ZFHX3: variants seen among roughly 807,000 people sequenced by gnomAD.
The protein encoded by ZFHX3 is zinc finger homeobox 3.
Under a neutral mutation model 279.1 loss-of-function variants are expected in ZFHX3, and 42 were observed. That is an observed-to-expected ratio of 0.15 (90% CI 0.12 to 0.19). ZFHX3 has a LOEUF of 0.19. ZFHX3 is among the 10% of genes least tolerant of loss of function. The pLI is 1.00. For missense variants in ZFHX3, 4,981 were observed against 4,754.0 expected, an observed-to-expected ratio of 1.05 and a Z score of -1.40; for synonymous variants, 2,293 against 1,957.8, an observed-to-expected ratio of 1.17 and a Z score of -4.52.
At chr16:73,675,395 A>C (rs1027481991) in intron 2 of ZFHX3, among the ~76,000 whole-genome samples, 1 of 152,118 alleles carries the variant, frequency 6.6e-6, no homozygotes, top group African/African-American at 2.4e-5. Flanking sequence ...AGACACATAT[A>C]AAATCAGACA....
chr16:73,122,040 T>C (rs1966505498), intron 7 of ZFHX3, among the ~76,000 whole-genome samples: 1 of 152,164 alleles, frequency 6.6e-6, no homozygotes. Flanking sequence ...CATATTGTCT[T>C]CGTGTGTCTC....
At chr16:72,829,534 G>A in intron 5 of ZFHX3, 1 of 479,458 alleles carries the variant, frequency 2.1e-6, no homozygotes, top group East Asian at 3.1e-5. Flanking sequence ...AAGCAAGCTG[G>A]CTTTGGTGCC....
intron 1 of ZFHX3, among the ~76,000 whole-genome samples, chr16:73,730,365 A>C (rs893939056): frequency 1.3e-5 from 2 of 151,344 alleles, no homozygotes; most frequent in African/African-American, 4.9e-5. Context: ...AAAAAAAAAA[A>C]AAAAAAAAAA....
intron 1 of ZFHX3, among the ~76,000 whole-genome samples, chr16:73,703,574 A>G (rs1435662212): frequency 6.6e-6 from 1 of 152,138 alleles, no homozygotes; most frequent in Non-Finnish European, 1.5e-5. Flanking sequence ...AGAGAGAGTC[A>G]TGAAACGGTA....
At chr16:73,777,120 G>C (rs894837923) in intron 1 of ZFHX3, among the ~76,000 whole-genome samples, 2 of 152,118 alleles carry the variant, frequency 1.3e-5, no homozygotes, top group African/African-American at 4.8e-5. Context: ...CCTAATTGCT[G>C]TGGTCCTGCC....
At chr16:73,822,501 GA>G (rs1960775569) in intron 1 of ZFHX3, among the ~76,000 whole-genome samples, 1 of 151,234 alleles carries the variant, frequency 6.6e-6, no homozygotes, top group Non-Finnish European at 1.5e-5. Context: ...GACTGTCATT[GA>G]AAAGCTGCTT....
intron 2 of ZFHX3, among the ~76,000 whole-genome samples, chr16:73,617,930 T>C (rs1211351018): frequency 1.3e-5 from 2 of 152,200 alleles, no homozygotes; most frequent in Non-Finnish European, 2.9e-5. Flanking sequence ...TCACGTTGAC[T>C]CCCAAGGCAG....
intron 3 of ZFHX3, among the ~76,000 whole-genome samples, chr16:73,357,916 G>A (rs2016371469): frequency 6.6e-6 from 1 of 152,142 alleles, no homozygotes; most frequent in Admixed American, 6.5e-5. Flanking sequence ...CTGCTCTCAG[G>A]AGAAGGAAAG....
chr16:73,503,656 C>A lies in ZFHX3; in HGVS notation c.-1546-47398G>T, dbSNP rs551582312. ...CTGAATAGGGGAATGGGGGAAAGAA[C>A]GCAGGATGGCCCTGGAAGAGCAAAG... On this transcript the variant is annotated intron_variant, in intron 2 of 17. Transcript: ENST00000641206. Among the ~76,000 whole-genome samples the A allele has an allele frequency of 1.1e-3, 164 of 152,244 alleles. 1 individual carries two copies. Among genetic ancestry groups the A allele is most frequent in the African/African-American group, 3.6e-3 (149 of 41,554 alleles).
intron 3 of ZFHX3, among the ~76,000 whole-genome samples, chr16:72,914,249 G>T (rs1228436568): frequency 2.6e-5 from 4 of 152,214 alleles, no homozygotes; most frequent in Non-Finnish European, 4.4e-5. Context: ...AGATGGTCTG[G>T]AGGGTTTTCA....
chr16:73,589,580 A>G (rs1404716224), intron 2 of ZFHX3, among the ~76,000 whole-genome samples: 1 of 150,992 alleles, frequency 6.6e-6, no homozygotes, highest in African/African-American at 2.4e-5. Flanking sequence ...AAACACAAAA[A>G]TTAGCTGGGC....
chr16:73,831,788 A>T (rs1961003822), intron 1 of ZFHX3, among the ~76,000 whole-genome samples: 1 of 152,210 alleles, frequency 6.6e-6, no homozygotes, highest in Non-Finnish European at 1.5e-5. Context: ...GAAGGGGCGG[A>T]GGAAGTTCAC....
intron 2 of ZFHX3, among the ~76,000 whole-genome samples, chr16:73,639,193 T>C (rs566662221): frequency 5.3e-5 from 8 of 152,308 alleles, no homozygotes; most frequent in Non-Finnish European, 8.8e-5. Context: ...TTAGAACCTT[T>C]ATCCACAGCT....
At chr16:73,858,920 T>C (rs1466763281) in intron 1 of ZFHX3, among the ~76,000 whole-genome samples, 1 of 152,198 alleles carries the variant, frequency 6.6e-6, no homozygotes, top group East Asian at 1.9e-4. Flanking sequence ...CCACGCACCA[T>C]CTTCCATCCC....
intron 1 of ZFHX3, among the ~76,000 whole-genome samples, chr16:73,790,579 G>C (rs1374791107): frequency 6.6e-6 from 1 of 152,030 alleles, no homozygotes; most frequent in East Asian, 1.9e-4. Context: ...TCCTTTTATT[G>C]TCCCAACTCC....
At chr16:73,208,075 G>T (rs939505679) in intron 5 of ZFHX3, among the ~76,000 whole-genome samples, 1 of 152,138 alleles carries the variant, frequency 6.6e-6, no homozygotes, top group Non-Finnish European at 1.5e-5. Context: ...CAAGCTGGAT[G>T]GTTCCATTTT....
At chr16:73,740,048 C>T (rs2053641537) in intron 1 of ZFHX3, among the ~76,000 whole-genome samples, 1 of 152,150 alleles carries the variant, frequency 6.6e-6, no homozygotes, top group African/African-American at 2.4e-5. Context: ...CACAAAGTTA[C>T]TGCCGGCACC....
At chr16:73,790,639 T>G (rs1959796371) in intron 1 of ZFHX3, among the ~76,000 whole-genome samples, 1 of 152,220 alleles carries the variant, frequency 6.6e-6, no homozygotes, top group Non-Finnish European at 1.5e-5. Flanking sequence ...TTGAGTACAC[T>G]TGAGTTCCAA....
intron 3 of ZFHX3, among the ~76,000 whole-genome samples, chr16:73,442,361 CT>C (rs34507954): frequency 0.016 from 2,249 of 144,722 alleles, 51 homozygotes; most frequent in African/African-American, 0.052. Flanking sequence ...CCCATTTCCT[CT>C]TTTTTTTTTT....
Sources: gnomAD v4.1 joint callset for allele counts (sites outside exome capture counted in the v4.1 genomes callset) on GRCh38, gnomAD v4.1.1 for gene constraint, MANE v1.5 for transcripts, NCBI Gene and HGNC (gene_info 2026-07-23, HGNC 2026-07-21) for gene names.